TNRC6C: variants seen among roughly 807,000 people sequenced by gnomAD.
TNRC6C encodes the protein trinucleotide repeat containing adaptor 6C, also known as trinucleotide repeat-containing gene 6C protein.
A neutral mutation model predicts 153.7 loss-of-function variants in TNRC6C; 20 were observed. The ratio of observed to expected loss-of-function variants is 0.13; its 90% confidence interval spans 0.09 to 0.19. The LOEUF (loss-of-function observed/expected upper bound fraction) is 0.19, where lower values mean the gene tolerates loss of function less well. Among genes scored for constraint, TNRC6C ranks in the 10% least tolerant of loss-of-function variants. The pLI, the probability that TNRC6C is intolerant of heterozygous loss-of-function variation, is 1.00. For synonymous variants in TNRC6C, 811 were observed against 841.4 expected (o/e 0.96, Z 0.63); for missense variants, 1,987 against 2,172.0 (o/e 0.91, Z 1.69).
chr17:78,103,264 T>A (rs1046239902), intron 18 of TNRC6C, 150 bp from the exon 22 acceptor site: 36 of 922,112 alleles, frequency 3.9e-5, no homozygotes, highest in Non-Finnish European at 5.4e-5. Flanking sequence ...TATAAAACGT[T>A]AATGTTGTAA....
rs1388995936 is a variant in TNRC6C, at chr17:78,049,121, A to G, written c.59A>G (p.Asn20Ser). Residue 20 changes from asparagine to serine, a missense_variant, in exon 3 of 20, where the codon AAT (asparagine) becomes AGT (serine). Coordinates refer to ENST00000301624, the Ensembl canonical transcript of TNRC6C. The surrounding 1 kb of genome is among the most constrained non-coding windows in gnomAD (Gnocchi z 4.1). ...GGACATACCAAGAAGACAAATGGCA[A>G]TAATGGCACCAATGGCGCACTCGTC... The G allele has an allele frequency of 1.3e-6, 2 of 1,591,380 alleles. No homozygotes were observed. The highest frequency in any genetic ancestry group is 1.3e-5 in the African/African-American group (1 of 74,594).
chr17:78,095,389 C>T (rs2073467183), intron 16 of TNRC6C, among the ~76,000 whole-genome samples: 1 of 152,228 alleles, frequency 6.6e-6, no homozygotes, highest in South Asian at 2.1e-4. Context: ...CTAGGAAATG[C>T]ATTGGCCTTT....
At chr17:78,009,756 T>C (rs2071589978) in intron 1 of TNRC6C, among the ~76,000 whole-genome samples, 1 of 152,192 alleles carries the variant, frequency 6.6e-6, no homozygotes, top group African/African-American at 2.4e-5. Context: ...GGTTTCACCA[T>C]GTTTGCCAGG....
intron 1 of TNRC6C, among the ~76,000 whole-genome samples, chr17:77,969,304 C>T (rs1468854303): frequency 6.6e-5 from 10 of 151,740 alleles, no homozygotes; most frequent in Non-Finnish European, 1.5e-4. Flanking sequence ...GGCTGGAGTG[C>T]AGTGGCGCAA....
intron 1 of TNRC6C, among the ~76,000 whole-genome samples, chr17:77,961,060 C>T (rs183337275): frequency 6.6e-6 from 1 of 152,026 alleles, no homozygotes; most frequent in Non-Finnish European, 1.5e-5. Flanking sequence ...CACACACACT[C>T]GTTTTTATTA....
Position 78,049,529 on chromosome 17 carries a change from C to T in TNRC6C, c.467C>T (p.Pro156Leu), listed in dbSNP as rs2072477477. 6.2e-7 allele frequency: 1 copy of T among 1,614,006 alleles called. No individual in the cohort carries two copies. Among genetic ancestry groups the T allele is most frequent in the Non-Finnish European group, 8.5e-7 (1 of 1,179,904 alleles). Residue 156 changes from proline (P) to leucine (L), a missense_variant, in exon 3 of 20, where the codon CCA (proline) becomes CTA (leucine). Physicochemically the swap from Pro to Leu is moderately conservative, Grantham distance 98. Coordinates refer to ENST00000301624, the Ensembl canonical transcript of TNRC6C. This position sits in a 1 kb window ranked among gnomAD's most constrained non-coding sequence, Gnocchi z 4.1. The stretch of plus-strand genomic sequence containing the variant: ...TTAGGTGCTTGGGGAAACTTGCTGC[C>T]ACAAGAGAGCACAGAACCACAAACG...
intron 1 of TNRC6C, among the ~76,000 whole-genome samples, chr17:77,975,104 T>C (rs2070979611): frequency 1.3e-5 from 2 of 152,180 alleles, no homozygotes; most frequent in Admixed American, 6.5e-5. Flanking sequence ...TCTTTAAGTC[T>C]CATGTATGGG....
chr17:78,076,544 A>G (rs1196258371), intron 8 of TNRC6C, among the ~76,000 whole-genome samples: 6 of 152,234 alleles, frequency 3.9e-5, no homozygotes, highest in East Asian at 1.9e-4. Flanking sequence ...TGAAATTCCA[A>G]TGTAACTCAG....
intron 1 of TNRC6C, among the ~76,000 whole-genome samples, chr17:77,961,499 G>A (rs1365693476): frequency 6.8e-6 from 1 of 146,222 alleles, no homozygotes; most frequent in Non-Finnish European, 1.5e-5. Context: ...TTGATACTGA[G>A]ACTGTCTGTC....
intron 3 of TNRC6C, among the ~76,000 whole-genome samples, chr17:78,059,846 CAAAAAAAA>C (rs762507955): frequency 2.6e-5 from 2 of 77,714 alleles, no homozygotes; most frequent in Non-Finnish European, 5.6e-5. Flanking sequence ...GACCCTGTCT[CAAAAAAAA>C]AAAAAAAAAG....
At chr17:77,987,447 CT>C (rs927393074) in intron 1 of TNRC6C, among the ~76,000 whole-genome samples, 1 of 152,152 alleles carries the variant, frequency 6.6e-6, no homozygotes. Context: ...TAATTATACC[CT>C]TTTGTTTTAG....
intron 1 of TNRC6C, among the ~76,000 whole-genome samples, chr17:78,030,883 G>C (rs9709435): frequency 6.6e-6 from 1 of 152,056 alleles, no homozygotes; most frequent in African/African-American, 2.4e-5. Flanking sequence ...CGGATCACTT[G>C]AGGTCAGGAG....
At chr17:78,080,610 TGTTA>T (rs1262107391) in intron 10 of TNRC6C, among the ~76,000 whole-genome samples, 1 of 152,224 alleles carries the variant, frequency 6.6e-6, no homozygotes, top group Non-Finnish European at 1.5e-5. Flanking sequence ...TTAATTACAG[TGTTA>T]GTTCTTACCC....
At position 78,049,980 on chromosome 17, in the gene TNRC6C, T is replaced by G. The variant is rs1195739642; in HGVS notation, c.918T>G (p.Pro306=). ...GGGATTCAGGACCTCCTGCTGGTCCTGGAATACTCGCCTGGGGAAGGGGCA... is the reference window on the plus strand; with the variant it reads ...GGGATTCAGGACCTCCTGCTGGTCCGGGAATACTCGCCTGGGGAAGGGGCA... Residue 306 remains proline (P), a synonymous_variant, in exon 3 of 20, where the codon CCT becomes CCG. Transcript: ENST00000301624. This position sits in a 1 kb window ranked among gnomAD's most constrained non-coding sequence, Gnocchi z 4.1. The G allele has an allele frequency of 3.1e-6, 5 of 1,613,896 alleles. No homozygotes were observed. The highest frequency in any genetic ancestry group is 1.1e-5 in the South Asian group (1 of 91,092).
rs546636128 is a variant in TNRC6C, at chr17:78,063,801, G to A, written c.2396-921G>A. Reference sequence around the variant, plus strand: ...GATAAGGTGATCTGTGTCTATGATGGTCAAAAGATAAACAAGAATAATATT... The same window carrying A: ...GATAAGGTGATCTGTGTCTATGATGATCAAAAGATAAACAAGAATAATATT... On this transcript the variant is annotated intron_variant, in intron 3 of 19. Transcript: ENST00000301624. Among the ~76,000 whole-genome samples, 53 of 152,118 alleles carry A rather than the reference G, an allele frequency of 3.5e-4. 1 individual carries two copies. Among genetic ancestry groups the A allele is most frequent in the Middle Eastern group, 3.4e-3 (1 of 294 alleles).
chr17:78,043,794 A>C (rs986991898), intron 2 of TNRC6C, among the ~76,000 whole-genome samples: 1 of 151,958 alleles, frequency 6.6e-6, no homozygotes. Flanking sequence ...TTTAACTCCC[A>C]CAAATAAGTG....
intron 3 of TNRC6C, among the ~76,000 whole-genome samples, chr17:78,055,134 A>G (rs997885895): frequency 6.6e-6 from 1 of 152,234 alleles, no homozygotes; most frequent in Non-Finnish European, 1.5e-5. Flanking sequence ...ATTAAAAGAT[A>G]CTTTCTTCAG....
chr17:78,091,753 A>G (rs1050132289), intron 14 of TNRC6C, 146 bp downstream of exon 16: 63 of 930,084 alleles, frequency 6.8e-5, no homozygotes, highest in Middle Eastern at 3.5e-4. Context: ...TATAGTGCAT[A>G]TAAGATCTCA....
At chr17:77,974,312 T>C (rs753834873) in intron 1 of TNRC6C, among the ~76,000 whole-genome samples, 3 of 152,224 alleles carry the variant, frequency 2.0e-5, no homozygotes, top group African/African-American at 7.2e-5. Context: ...TTTCTTGCTA[T>C]GTGTCCATTC....
Sources: allele counts gnomAD v4.1 joint callset (sites outside exome capture counted in the v4.1 genomes callset), GRCh38; gene constraint gnomAD v4.1.1; non-coding constraint Gnocchi (gnomAD v3.1); transcripts MANE v1.5; gene names NCBI Gene and HGNC (gene_info 2026-07-23, HGNC 2026-07-21).